RSRC1: variants seen among roughly 807,000 people sequenced by gnomAD.
RSRC1 encodes the protein serine/Arginine-related protein 53.
In RSRC1, 39 loss-of-function variants were observed where a neutral mutation model predicts 49.1. That is an observed-to-expected ratio of 0.79 (90% confidence interval 0.61 to 1.04). RSRC1 has a LOEUF of 1.04. Ranked by LOEUF, RSRC1 falls within the 50% of genes least tolerant of loss-of-function variation. RSRC1 has a pLI of 0.00. For missense variants in RSRC1, 388 were observed against 402.4 expected (o/e 0.96, Z 0.31); for synonymous variants, 143 against 130.8 (o/e 1.09, Z -0.63).
chr3:158,370,028 A>T (rs1281232704), intron 6 of RSRC1, among the ~76,000 whole-genome samples: 1 of 151,934 alleles, frequency 6.6e-6, no homozygotes, highest in Non-Finnish European at 1.5e-5. Flanking sequence ...TATTTGTGAT[A>T]TAATTTAGAA....
At chr3:158,231,914 A>G (rs2108312313) in intron 4 of RSRC1, among the ~76,000 whole-genome samples, 1 of 152,320 alleles carries the variant, frequency 6.6e-6, no homozygotes, top group East Asian at 1.9e-4. Context: ...AAAATTCTGA[A>G]TGAAAGAACA....
At position 158,416,454 on chromosome 3, in the gene RSRC1, G is replaced by A. The variant is rs894681014; in HGVS notation, c.584-44481G>A. Among the ~76,000 whole-genome samples the A allele has an allele frequency of 5.9e-5, 9 of 152,088 alleles. No individual in the cohort carries two copies. In the East Asian group the frequency reaches 1.4e-3, roughly 23 times the overall value. ...TTGGGCCACTTGCTCCTGGAATCTA[G>A]CCTCTACACTATGAGAAGCCAAACA... On this transcript the variant is annotated intron_variant, in intron 6 of 9. Transcript: ENST00000611884.
chr3:158,465,378 C>T (rs1446596930), intron 7 of RSRC1, among the ~76,000 whole-genome samples: 1 of 152,092 alleles, frequency 6.6e-6, no homozygotes, highest in Non-Finnish European at 1.5e-5. Flanking sequence ...TCTGAGCACA[C>T]CCAGAGAGAG....
chr3:158,168,104 A>G (rs879685924), intron 3 of RSRC1, among the ~76,000 whole-genome samples: 1 of 152,120 alleles, frequency 6.6e-6, no homozygotes, highest in Non-Finnish European at 1.5e-5. Flanking sequence ...CAGCTACACT[A>G]ATTTGTTTAT....
At chr3:158,442,209 A>G (rs1207216112) in intron 6 of RSRC1, among the ~76,000 whole-genome samples, 1 of 152,094 alleles carries the variant, frequency 6.6e-6, no homozygotes, top group African/African-American at 2.4e-5. Context: ...GTTTCTTAAA[A>G]TAAGACAGTG....
At chr3:158,287,184 G>A (rs191153339) in intron 4 of RSRC1, among the ~76,000 whole-genome samples, 1 of 152,058 alleles carries the variant, frequency 6.6e-6, no homozygotes, top group African/African-American at 2.4e-5. Flanking sequence ...CCTTCTATTT[G>A]GGATTGTTGA....
At chr3:158,465,537 G>C (rs1281618013) in intron 7 of RSRC1, among the ~76,000 whole-genome samples, 6 of 152,264 alleles carry the variant, frequency 3.9e-5, no homozygotes, top group African/African-American at 1.4e-4. Context: ...GCATCATTTA[G>C]GAATCACTAT....
At chr3:158,222,816 CTG>C (rs1722301174) in intron 4 of RSRC1, among the ~76,000 whole-genome samples, 1 of 151,610 alleles carries the variant, frequency 6.6e-6, no homozygotes, top group East Asian at 1.9e-4. Context: ...CCTTTTCTAA[CTG>C]TGCTCTGTTC....
chr3:158,180,967 G>A (rs1045019040), intron 3 of RSRC1, among the ~76,000 whole-genome samples: 1 of 151,718 alleles, frequency 6.6e-6, no homozygotes, highest in African/African-American at 2.4e-5. Context: ...ACCACGCCCG[G>A]CTAATTTTTT....
At chr3:158,309,925 C>A (rs138023583) in intron 5 of RSRC1, among the ~76,000 whole-genome samples, 1 of 151,616 alleles carries the variant, frequency 6.6e-6, no homozygotes, top group Non-Finnish European at 1.5e-5. Context: ...ATAAACTATT[C>A]TGTAGCATTT....
intron 6 of RSRC1, among the ~76,000 whole-genome samples, chr3:158,394,784 G>C (rs1233903000): frequency 6.6e-6 from 1 of 152,006 alleles, no homozygotes; most frequent in Admixed American, 6.6e-5. Flanking sequence ...TACAGATTCA[G>C]TGCCATTTCT....
At chr3:158,495,699 G>A (rs1027873906) in intron 7 of RSRC1, among the ~76,000 whole-genome samples, 2 of 152,174 alleles carry the variant, frequency 1.3e-5, no homozygotes, top group Non-Finnish European at 2.9e-5. Context: ...TAAGTCAGAG[G>A]TCAGCAAACT....
intron 4 of RSRC1, among the ~76,000 whole-genome samples, chr3:158,267,844 G>C (rs1453772133): frequency 1.0e-5 from 1 of 95,316 alleles, no homozygotes; most frequent in South Asian, 3.1e-4. Flanking sequence ...TTCTTATGCT[G>C]TTTGTTTCCA....
At position 158,541,075 on chromosome 3, in the gene RSRC1, T is replaced by G. The variant is rs1713006489; in HGVS notation, c.760-2260T>G. On this transcript the variant is annotated intron_variant, in intron 8 of 9. Transcript: ENST00000611884. ...GGAAGAAATACCCCAAGTTCTGGCC[T>G]GCAGTGTCTCACTGTCTTTTTGCTC... 1.1e-4 allele frequency among the ~76,000 whole-genome samples: 16 copies of G among 152,198 alleles called. 1 individual carries two copies. The highest frequency in any genetic ancestry group is 1.0e-3 in the Admixed American group (16 of 15,276).
chr3:158,543,429 C>T lies in RSRC1; in HGVS notation c.854C>T (p.Pro285Leu). 6.2e-7 allele frequency: 1 copy of T among 1,611,996 alleles called. No homozygotes were observed. The highest frequency in any genetic ancestry group is 1.7e-4 in the Middle Eastern group (1 of 6,058). ...CCCAGTACTGAAAAAGAAATAGATC[C>T]TACCAGCATCCCTACTGCTATCAAG... is the stretch of plus-strand genomic sequence containing the variant. ...DPPSTEKEIDPTSIPTAIKYQ... is the reference protein window; with the variant it reads ...DPPSTEKEIDLTSIPTAIKYQ... The change falls in exon 9 of 10, where the codon CCT becomes CTT. Residue 285 changes from proline (P) to leucine (L), a missense_variant. Pro to Leu is a moderately conservative substitution (Grantham distance 98, BLOSUM62 -3). Transcript: ENST00000611884.
intron 6 of RSRC1, among the ~76,000 whole-genome samples, chr3:158,451,518 A>C (rs1737029336): frequency 6.6e-6 from 1 of 152,014 alleles, no homozygotes; most frequent in African/African-American, 2.4e-5. Flanking sequence ...AGACCCTGGC[A>C]CTTCAGTCAC....
intron 5 of RSRC1, among the ~76,000 whole-genome samples, chr3:158,331,497 A>G (rs1441681662): frequency 2.0e-5 from 3 of 152,074 alleles, no homozygotes; most frequent in African/African-American, 7.2e-5. Flanking sequence ...GATACTTTTT[A>G]TATAAAATTG....
intron 6 of RSRC1, among the ~76,000 whole-genome samples, chr3:158,403,058 A>G (rs1350106122): frequency 1.3e-5 from 2 of 151,838 alleles, no homozygotes; most frequent in East Asian, 3.9e-4. Context: ...ACCCTCAGTT[A>G]CTAAGCATTT....
intron 7 of RSRC1, among the ~76,000 whole-genome samples, chr3:158,525,395 A>G (rs893000985): frequency 2.6e-5 from 4 of 152,086 alleles, no homozygotes; most frequent in East Asian, 1.9e-4. Flanking sequence ...TAAAAATCTG[A>G]TAACGCCAAC....
Sources: allele counts gnomAD v4.1 joint callset (sites outside exome capture counted in the v4.1 genomes callset), GRCh38; gene constraint gnomAD v4.1.1; transcripts MANE v1.5; gene names NCBI Gene and HGNC (gene_info 2026-07-23, HGNC 2026-07-21).